DMXL1: variants seen among roughly 807,000 people sequenced by gnomAD.
DMXL1 encodes the protein dmX-like protein 1.
Under a neutral mutation model 319.2 loss-of-function variants are expected in DMXL1, and 99 were observed. That is an observed-to-expected ratio of 0.31 (90% CI 0.26 to 0.37). DMXL1 has a LOEUF of 0.37. Among genes scored for constraint, DMXL1 ranks in the 10% least tolerant of loss-of-function variants. The probability of loss-of-function intolerance (pLI) is 1.00; values close to 1 mark genes in which losing one functional copy is unlikely to be tolerated. For missense variants in DMXL1, 3,745 were observed against 3,595.6 expected, an observed-to-expected ratio of 1.04 and a Z score of -1.06; for synonymous variants, 1,385 against 1,235.2, an observed-to-expected ratio of 1.12 and a Z score of -2.54.
At chr5:119,198,219 C>A (rs986656030) in intron 32 of DMXL1, among the ~76,000 whole-genome samples, 26 of 152,230 alleles carry the variant, frequency 1.7e-4, no homozygotes, top group African/African-American at 6.3e-4. Flanking sequence ...AAACTCCTGA[C>A]CTCAGGTGAT....
intron 6 of DMXL1, 111 bp from the exon 7 acceptor site, chr5:119,116,047 C>A: frequency 1.0e-6 from 1 of 966,748 alleles, no homozygotes; most frequent in Non-Finnish European, 1.5e-6. Context: ...CTCAACGTCT[C>A]TTCCCATCCC....
At position 119,193,930 on chromosome 5, in the gene DMXL1, G is replaced by A. The variant is rs767377564; in HGVS notation, c.7417G>A (p.Asp2473Asn). 3 of 1,610,130 alleles carry A rather than the reference G, an allele frequency of 1.9e-6. No individual in the cohort carries two copies. The highest frequency in any genetic ancestry group is 2.7e-5 in the African/African-American group (2 of 74,772). ...TGATGATGATGATGTTTTAGCATCAGATTTCCATCTCCAGGAACATTCTAA... is the reference window on the plus strand; with the variant it reads ...TGATGATGATGATGTTTTAGCATCAAATTTCCATCTCCAGGAACATTCTAA... ...NDDDDDVLAS[D>N]FHLQEHSNSN... The change falls in exon 30 of 44, where the codon GAT becomes AAT. Residue 2473 changes from aspartate to asparagine, a missense_variant. Asp to Asn is a conservative substitution (Grantham distance 23). This residue lies in a region of DMXL1 where 1,382 missense variants were observed against 1,269.5 expected (regional missense o/e 1.09). Coordinates refer to ENST00000539542, the MANE Select transcript of DMXL1 (RefSeq NM_001290321.3).
rs1450360023 is a variant in DMXL1 at position 119,149,815 on chromosome 5, C to G, written c.3988C>G (p.Leu1330Val). 5.6e-6 allele frequency: 9 copies of G among 1,613,818 alleles called. No homozygotes were observed. The highest frequency in any genetic ancestry group is 1.3e-5 in the African/African-American group (1 of 74,904). ...PTLPQYHPLQ[L>V]LELMDLGKVR... ...TCTACCTCAGTATCATCCCTTGCAG[C>G]TTTTGGAACTCATGGATCTTGGTAA... is the stretch of plus-strand genomic sequence containing the variant. The change falls in exon 18 of 44, where the codon CTT becomes GTT. Residue 1330 changes from leucine to valine, a missense_variant. Coordinates refer to ENST00000539542, the MANE Select transcript of DMXL1 (RefSeq NM_001290321.3).
intron 28 of DMXL1, among the ~76,000 whole-genome samples, chr5:119,183,893 C>A (rs1034126190): frequency 1.3e-5 from 2 of 151,990 alleles, no homozygotes; most frequent in African/African-American, 4.8e-5. Context: ...GTAGAGAAAG[C>A]GTAGAAGATA....
At chr5:119,214,518 T>G (rs2150537746) in intron 34 of DMXL1, among the ~76,000 whole-genome samples, 3 of 152,328 alleles carry the variant, frequency 2.0e-5, no homozygotes, top group Admixed American at 2.0e-4. Flanking sequence ...TTTAAGGCCC[T>G]GCAAGAACTG....
chr5:119,197,657 C>A, intron 31 of DMXL1, 98 bp from the exon 32 acceptor site: 1 of 1,019,452 alleles, frequency 9.8e-7, no homozygotes, highest in Non-Finnish European at 1.5e-6. Flanking sequence ...TTTTTTTTTT[C>A]CTGCATCTGC....
At chr5:119,153,103 A>G (rs1178764258) in intron 19 of DMXL1, among the ~76,000 whole-genome samples, 1 of 151,882 alleles carries the variant, frequency 6.6e-6, no homozygotes, top group Non-Finnish European at 1.5e-5. Context: ...CAGCCTCTCG[A>G]ATACCTGGGA....
intron 20 of DMXL1, among the ~76,000 whole-genome samples, 189 bp downstream of exon 20, chr5:119,164,865 C>G (rs1401352318): frequency 1.3e-5 from 2 of 151,740 alleles, no homozygotes; most frequent in Non-Finnish European, 2.9e-5. Flanking sequence ...ATTCTAATTC[C>G]CAAGTTTTTA....
chr5:119,207,927 A>T (rs1048603884), intron 34 of DMXL1, among the ~76,000 whole-genome samples: 4 of 152,180 alleles, frequency 2.6e-5, no homozygotes, highest in African/African-American at 9.6e-5. Context: ...GCTCAAAAAA[A>T]TTTTTAAGGT....
intron 1 of DMXL1, among the ~76,000 whole-genome samples, chr5:119,085,934 G>T (rs1753258906): frequency 6.6e-6 from 1 of 152,078 alleles, no homozygotes; most frequent in African/African-American, 2.4e-5. Context: ...AGGATCTATT[G>T]AAACTATCAT....
chr5:119,073,342 G>T (rs564214782), intron 1 of DMXL1, among the ~76,000 whole-genome samples: 1 of 152,302 alleles, frequency 6.6e-6, no homozygotes, highest in Admixed American at 6.5e-5. Flanking sequence ...GATTAGAGGC[G>T]TGAGCCACCA....
At chr5:119,239,257 T>TA (rs1217639788) in intron 41 of DMXL1, among the ~76,000 whole-genome samples, 177 bp downstream of exon 41, 1 of 152,228 alleles carries the variant, frequency 6.6e-6, no homozygotes, top group African/African-American at 2.4e-5. Flanking sequence ...GCTGTGGTTG[T>TA]AAGAAAGTGT....
chr5:119,171,160 C>T lies in DMXL1; in HGVS notation c.6369C>T (p.Leu2123=). ...ATTTTCAGGAAAAAAGACAGTGGCTCTTGAAGTATCAGTCACTTTTGAGAA... is the reference window on the plus strand; with the variant it reads ...ATTTTCAGGAAAAAAGACAGTGGCTTTTGAAGTATCAGTCACTTTTGAGAA... ...RENFQEKRQW[L]LKYQSLLRMF... is the part of the protein sequence containing the mutation. Residue 2123 remains leucine, a synonymous_variant, in exon 24 of 44, where the codon CTC becomes CTT. Transcript: ENST00000539542. The T allele has an allele frequency of 6.2e-7, 1 of 1,614,000 alleles. No homozygotes were observed. Among genetic ancestry groups the T allele is most frequent in the East Asian group, 2.2e-5 (1 of 44,868 alleles).
intron 28 of DMXL1, among the ~76,000 whole-genome samples, chr5:119,186,811 G>C (rs1447898719): frequency 2.0e-5 from 3 of 151,754 alleles, no homozygotes; most frequent in Non-Finnish European, 2.9e-5. Flanking sequence ...TGAGGGTGAG[G>C]AAAGGATTGT....
intron 7 of DMXL1, 147 bp from the exon 8 acceptor site, chr5:119,118,668 A>G (rs1761372797): frequency 1.9e-6 from 1 of 539,436 alleles, no homozygotes; most frequent in Non-Finnish European, 3.2e-6. Context: ...GTTGGCAAGC[A>G]TTTGCTGTGA....
chr5:119,114,414 A>G, intron 5 of DMXL1, 61 bp from the exon 6 acceptor site: 2 of 1,178,838 alleles, frequency 1.7e-6, no homozygotes, highest in Non-Finnish European at 2.5e-6. Context: ...AATTTTGAGA[A>G]TATTGAACTT....
intron 9 of DMXL1, among the ~76,000 whole-genome samples, chr5:119,124,527 CAT>C (rs963327084): frequency 2.0e-5 from 3 of 148,696 alleles, no homozygotes; most frequent in African/African-American, 4.9e-5. Flanking sequence ...TATTAAGATA[CAT>C]ATGTTACTAG....
At chr5:119,165,619 A>C (rs1228048714) in intron 21 of DMXL1, among the ~76,000 whole-genome samples, 1 of 152,226 alleles carries the variant, frequency 6.6e-6, no homozygotes, top group Non-Finnish European at 1.5e-5. Context: ...GCAATTTACA[A>C]AAGAAAGAGG....
chr5:119,239,208 T>C (rs1788308813), intron 41 of DMXL1, 128 bp downstream of exon 41: 2 of 1,023,918 alleles, frequency 2.0e-6, no homozygotes, highest in Non-Finnish European at 2.8e-6. Flanking sequence ...CTAAAAACTA[T>C]TATTTATTGG....
Sources: gnomAD v4.1 joint callset for allele counts (sites outside exome capture counted in the v4.1 genomes callset) on GRCh38, gnomAD v4.1.1 for gene constraint, gnomAD v4.1.1 regional missense constraint, MANE v1.5 for transcripts, NCBI Gene and HGNC (gene_info 2026-07-23, HGNC 2026-07-21) for gene names.